CNBD1: variants seen among roughly 807,000 people sequenced by gnomAD.
The protein encoded by CNBD1 is cyclic nucleotide binding domain containing 1, also known as cyclic nucleotide-binding domain-containing protein 1.
A neutral mutation model predicts 54.4 loss-of-function variants in CNBD1; 71 were observed. That is an observed-to-expected ratio of 1.30 (90% confidence interval 1.08 to 1.59). The LOEUF (loss-of-function observed/expected upper bound fraction) is 1.59, where lower values mean the gene tolerates loss of function less well. Ranked by LOEUF, CNBD1 falls within the 40% of genes most tolerant of loss-of-function variation. The pLI, the probability that CNBD1 is intolerant of heterozygous loss-of-function variation, is 0.00. For missense variants in CNBD1, 659 were observed against 518.0 expected (o/e 1.27, Z -2.64); for synonymous variants, 182 against 170.7 (o/e 1.07, Z -0.51).
At chr8:86,931,207 G>A (rs6991217) in intron 3 of CNBD1, among the ~76,000 whole-genome samples, 1 of 151,946 alleles carries the variant, frequency 6.6e-6, no homozygotes, top group Non-Finnish European at 1.5e-5. Flanking sequence ...TTGAGGACAA[G>A]GTCCAGGGCA....
At chr8:87,330,333 G>A (rs1809797921) in intron 8 of CNBD1, among the ~76,000 whole-genome samples, 1 of 147,906 alleles carries the variant, frequency 6.8e-6, no homozygotes, top group South Asian at 2.1e-4. Context: ...TGATTTTCTG[G>A]TTTCAATTTT....
At chr8:87,071,057 A>T (rs891778007) in intron 4 of CNBD1, among the ~76,000 whole-genome samples, 83 of 152,214 alleles carry the variant, frequency 5.5e-4, no homozygotes, top group Non-Finnish European at 1.9e-4. Flanking sequence ...GATTAAAAAA[A>T]CAGTTTTTTA....
chr8:87,236,640 G>A (rs963793839), intron 5 of CNBD1, among the ~76,000 whole-genome samples: 3 of 152,010 alleles, frequency 2.0e-5, no homozygotes, highest in African/African-American at 7.2e-5. Flanking sequence ...ATAATTATAT[G>A]TAACCATGTT....
At chr8:87,069,874 G>T (rs559914964) in intron 4 of CNBD1, among the ~76,000 whole-genome samples, 71 of 152,020 alleles carry the variant, frequency 4.7e-4, no homozygotes, top group African/African-American at 1.6e-3. Flanking sequence ...AAATACCTTT[G>T]TTCATGAATC....
At chr8:87,228,554 G>T (rs943433504) in intron 5 of CNBD1, among the ~76,000 whole-genome samples, 1 of 149,994 alleles carries the variant, frequency 6.7e-6, no homozygotes, top group South Asian at 2.1e-4. Flanking sequence ...AGGCTGCTCG[G>T]GGGTCAGGGG....
intron 5 of CNBD1, among the ~76,000 whole-genome samples, chr8:87,217,426 T>C (rs1171859143): frequency 1.3e-5 from 2 of 152,100 alleles, no homozygotes; most frequent in Admixed American, 1.3e-4. Flanking sequence ...TGGTATGACT[T>C]AATATTAGAA....
intron 3 of CNBD1, among the ~76,000 whole-genome samples, chr8:86,931,813 A>C (rs906506197): frequency 2.0e-5 from 3 of 152,196 alleles, no homozygotes; most frequent in Non-Finnish European, 4.4e-5. Flanking sequence ...GTCAGGTTAC[A>C]GGGGAGTATA....
At chr8:86,917,982 C>G (rs893930217) in intron 3 of CNBD1, among the ~76,000 whole-genome samples, 8 of 152,104 alleles carry the variant, frequency 5.3e-5, no homozygotes, top group African/African-American at 1.9e-4. Flanking sequence ...GTTTTAGTTT[C>G]TTTATAGAAA....
chr8:87,160,735 T>G (rs777068055), intron 4 of CNBD1, among the ~76,000 whole-genome samples: 30 of 152,034 alleles, frequency 2.0e-4, no homozygotes, highest in Non-Finnish European at 4.1e-4. Flanking sequence ...AGGGGGAGGA[T>G]TCTTGAAGTA....
chr8:86,964,546 G>A (rs1440570047), intron 4 of CNBD1, among the ~76,000 whole-genome samples: 1 of 152,206 alleles, frequency 6.6e-6, no homozygotes, highest in East Asian at 1.9e-4. Flanking sequence ...ATATATGCCT[G>A]TCAGGGCCAT....
chr8:87,090,997 G>A (rs1368426716), intron 4 of CNBD1, among the ~76,000 whole-genome samples: 5 of 151,972 alleles, frequency 3.3e-5, no homozygotes, highest in African/African-American at 7.2e-5. Flanking sequence ...AAAATTAGCC[G>A]GGCATGGTGC....
chr8:86,892,525 C>A (rs917020791), intron 2 of CNBD1, among the ~76,000 whole-genome samples: 1 of 151,930 alleles, frequency 6.6e-6, no homozygotes, highest in Non-Finnish European at 1.5e-5. Context: ...ATAGAGTACC[C>A]AATTTTCCCT....
intron 4 of CNBD1, among the ~76,000 whole-genome samples, chr8:87,201,236 C>G (rs1195296357): frequency 1.3e-5 from 2 of 152,060 alleles, no homozygotes; most frequent in Non-Finnish European, 2.9e-5. Flanking sequence ...CAGAAGAGAA[C>G]TTCCTTAATC....
intron 3 of CNBD1, among the ~76,000 whole-genome samples, chr8:86,931,272 GC>G (rs1440177715): frequency 3.3e-5 from 5 of 152,104 alleles, no homozygotes; most frequent in Non-Finnish European, 5.9e-5. Context: ...CAATTTCCTG[GC>G]CCTCAGTGGT....
chr8:86,920,935 T>A, intron 3 of CNBD1, among the ~76,000 whole-genome samples: 1 of 152,118 alleles, frequency 6.6e-6, no homozygotes, highest in East Asian at 1.9e-4. Context: ...GTATGCATAG[T>A]CTAGATGGCC....
At chr8:87,271,161 T>TTTTTAAATTAATCCAGC (rs1281050955) in intron 6 of CNBD1, among the ~76,000 whole-genome samples, 1 of 151,852 alleles carries the variant, frequency 6.6e-6, no homozygotes, top group Non-Finnish European at 1.5e-5. Context: ...TTCTCTCTTG[T>TTTTTAAATTAATCCAGC]TTTTAAATTA....
In CNBD1 at chr8:86,939,958, A is replaced by T. The variant is rs1809622419; in HGVS notation, c.431+204A>T. The T allele has an allele frequency of 1.1e-5, 4 of 366,708 alleles. No homozygotes were observed. The East Asian group carries it at 1.7e-4, about 16-fold the overall frequency. The allele number at this position is 366,708 out of a possible 1,614,324, so 22.7% of individuals were successfully genotyped here. A position where few individuals can be genotyped will look rare whatever the true frequency, so the allele number is the denominator to read the frequency against. ...TTCAGTCTTCAATGGTGTATCACGG[A>T]TATAATGCTAAACTTGTGACCCATT... is the stretch of plus-strand genomic sequence containing the variant. On this transcript the variant is annotated intron_variant, in intron 4 of 10. Transcript: ENST00000518476.
chr8:87,025,653 C>T (rs1193369976), intron 4 of CNBD1, among the ~76,000 whole-genome samples: 1 of 152,028 alleles, frequency 6.6e-6, no homozygotes, highest in African/African-American at 2.4e-5. Context: ...CTGAAGTCAG[C>T]AAGACAACGA....
intron 4 of CNBD1, among the ~76,000 whole-genome samples, chr8:87,092,040 A>G (rs1265796305): frequency 6.6e-6 from 1 of 152,194 alleles, no homozygotes; most frequent in East Asian, 1.9e-4. Flanking sequence ...AGATGGTTAT[A>G]TTTATTTCAT....
Sources: gnomAD v4.1 joint callset for allele counts (sites outside exome capture counted in the v4.1 genomes callset) on GRCh38, gnomAD v4.1.1 for gene constraint, MANE v1.5 for transcripts, NCBI Gene and HGNC (gene_info 2026-07-23, HGNC 2026-07-21) for gene names.